The following OTOF variants were observed in gnomAD, a reference collection of about 807,000 sequenced individuals.
The protein encoded by OTOF is fer-1-like family member 2.
In OTOF, 218 loss-of-function variants were observed where a neutral mutation model predicts 236.8. The observed-to-expected ratio is 0.92, with a 90% CI of 0.82 to 1.03. OTOF has a LOEUF of 1.03. Ranked by LOEUF, OTOF falls within the 50% of genes least tolerant of loss-of-function variation. The pLI is 0.00. For missense variants in OTOF, 2,590 were observed against 2,694.4 expected (o/e 0.96, Z 0.86); for synonymous variants, 1,041 against 1,072.5 (o/e 0.97, Z 0.57).
At chr2:26,468,377 A>G (rs781017625) in intron 33 of OTOF, 31 bp downstream of exon 33, 1 of 1,571,278 alleles carries the variant, frequency 6.4e-7, no homozygotes, top group Non-Finnish European at 8.8e-7. Context: ...GGCGGGGAGG[A>G]GGAGGCAGAG....
In OTOF at chr2:26,461,229, G is replaced by A. The variant is rs1027016842; in HGVS notation, c.5534-199C>T. ...CTTGCTAGGCAGCCCCAGCCCCCATGCTTTACTCAGGTCCTTCTTTCACCC... is the reference window on the plus strand; with the variant it reads ...CTTGCTAGGCAGCCCCAGCCCCCATACTTTACTCAGGTCCTTCTTTCACCC... On this transcript the variant is annotated intron_variant, in intron 43 of 46. Coordinates refer to ENST00000272371, the MANE Select transcript of OTOF (RefSeq NM_194248.3). This position sits in a 1 kb window ranked among gnomAD's most constrained non-coding sequence, Gnocchi z 6.2. 6.6e-6 allele frequency among the ~76,000 whole-genome samples: 1 copy of A among 152,142 alleles called. No individual in the cohort carries two copies. Among genetic ancestry groups the A allele is most frequent in the Non-Finnish European group, 1.5e-5 (1 of 68,012 alleles).
intron 4 of OTOF, among the ~76,000 whole-genome samples, chr2:26,518,116 C>T (rs1489945495): frequency 1.3e-5 from 2 of 152,224 alleles, no homozygotes; most frequent in Non-Finnish European, 2.9e-5. Context: ...GCTTCTGAGG[C>T]TGTTTCTCTT....
intron 36 of OTOF, chr2:26,466,440 G>C: frequency 1.9e-6 from 1 of 515,968 alleles, no homozygotes; most frequent in Non-Finnish European, 3.5e-6. Flanking sequence ...AGGTTCAAGC[G>C]ATTTTCCTGC....
At chr2:26,523,464 G>C (rs758137220) in intron 3 of OTOF, among the ~76,000 whole-genome samples, 1 of 152,126 alleles carries the variant, frequency 6.6e-6, no homozygotes, top group African/African-American at 2.4e-5. Context: ...GCAGTGATGG[G>C]ATCAGGCTCA....
chr2:26,537,478 C>T (rs994175143), intron 2 of OTOF, among the ~76,000 whole-genome samples: 10 of 152,210 alleles, frequency 6.6e-5, no homozygotes, highest in African/African-American at 2.4e-4. Flanking sequence ...GGCTGCTGTT[C>T]CCCGTGTCAT....
chr2:26,493,656 CAAT>C (rs1398020564), intron 9 of OTOF, among the ~76,000 whole-genome samples: 6 of 152,076 alleles, frequency 3.9e-5, no homozygotes, highest in African/African-American at 1.4e-4. Flanking sequence ...TAGAAGGACA[CAAT>C]AAGCGAACAG....
At chr2:26,533,031 G>A (rs1207544568) in intron 2 of OTOF, among the ~76,000 whole-genome samples, 1 of 152,208 alleles carries the variant, frequency 6.6e-6, no homozygotes, top group Non-Finnish European at 1.5e-5. Flanking sequence ...GTTAGGAGCA[G>A]AGCCACACAG....
Position 26,488,284 on chromosome 2 carries a change from G to T in OTOF, c.1045+927C>A, listed in dbSNP as rs568598257. On this transcript the variant is annotated intron_variant, in intron 11 of 46. Coordinates refer to ENST00000272371, the MANE Select transcript of OTOF (RefSeq NM_194248.3). ...TGCTGCCTACATTACTGTTTTGTGA[G>T]GGCCCAATGTGACAATTGGGTGAAA... Among the ~76,000 whole-genome samples, 4 of 152,322 alleles carry T rather than the reference G, an allele frequency of 2.6e-5. No individual in the cohort carries two copies. In the East Asian group the frequency reaches 7.7e-4, roughly 29 times the overall value.
At position 26,495,085 on chromosome 2, in the gene OTOF, A is replaced by AGGCCT. The variant is rs753570417; in HGVS notation, c.766-13_766-12insAGGCC. The AGGCCT allele has an allele frequency of 6.2e-7, 1 of 1,613,948 alleles. No individual in the cohort carries two copies. The highest frequency in any genetic ancestry group is 8.5e-7 in the Non-Finnish European group (1 of 1,179,968). On this transcript the variant is annotated splice_polypyrimidine_tract_variant and intron_variant, in intron 8 of 46. Coordinates refer to ENST00000272371, the MANE Select transcript of OTOF (RefSeq NM_194248.3). ...ACCGTGATGCTGACCTGCAGGCAGG[A>AGGCCT]GAAGGGGGAGCCAGAAGGAAAGCTG... is the stretch of plus-strand genomic sequence containing the variant.
chr2:26,530,037 G>A (rs1666905956), intron 2 of OTOF, among the ~76,000 whole-genome samples: 1 of 141,312 alleles, frequency 7.1e-6, no homozygotes, highest in Admixed American at 7.4e-5. Flanking sequence ...GGAAGGCCCA[G>A]CTCATCAGCC....
chr2:26,527,636 G>C (rs1176009249), intron 3 of OTOF, among the ~76,000 whole-genome samples, 196 bp downstream of exon 3: 1 of 152,168 alleles, frequency 6.6e-6, no homozygotes, highest in Non-Finnish European at 1.5e-5. Flanking sequence ...AGAACTGGGG[G>C]ATTCTGAAGA....
intron 5 of OTOF, among the ~76,000 whole-genome samples, chr2:26,504,810 ACTCT>A (rs1666207019): frequency 6.6e-6 from 1 of 151,324 alleles, no homozygotes; most frequent in Admixed American, 6.6e-5. Flanking sequence ...TGGATACCTG[ACTCT>A]CTCCACTTCC....
rs1412454980 is a variant in OTOF at position 26,470,604 on chromosome 2, T to G, written c.4012A>C (p.Thr1338Pro). The G allele has an allele frequency of 6.2e-7, 1 of 1,613,930 alleles. No individual in the cohort carries two copies. The highest frequency in any genetic ancestry group is 8.5e-7 in the Non-Finnish European group (1 of 1,180,006). Residue 1338 changes from threonine to proline, a missense_variant, in exon 32 of 47, where the codon ACC (threonine) becomes CCC (proline). Thr to Pro is a conservative substitution (Grantham distance 38, BLOSUM62 -1). Coordinates refer to ENST00000272371, the MANE Select transcript of OTOF (RefSeq NM_194248.3). The surrounding 1 kb of genome is among the most constrained non-coding windows in gnomAD (Gnocchi z 4.3). ...WWSKYFASID[T>P]MKEQLRQQEP... Reference sequence around the variant, plus strand: ...ACCCGAGGTCTCACCTCCTTCATGGTGTCAATGGAGGCAAAGTACTTGGAC... The same window carrying G: ...ACCCGAGGTCTCACCTCCTTCATGGGGTCAATGGAGGCAAAGTACTTGGAC...
At chr2:26,512,110 T>G (rs553463093) in intron 5 of OTOF, among the ~76,000 whole-genome samples, 5 of 151,974 alleles carry the variant, frequency 3.3e-5, no homozygotes, top group Admixed American at 1.3e-4. Context: ...TCCTCCCAGA[T>G]GAGACCCAGC....
intron 14 of OTOF, among the ~76,000 whole-genome samples, chr2:26,481,385 C>A (rs2148057480): frequency 6.6e-6 from 1 of 152,324 alleles, no homozygotes; most frequent in South Asian, 2.1e-4. Flanking sequence ...CCTGCCAGTG[C>A]AGACCCCTCC....
rs532270730 is a variant in OTOF, at chr2:26,489,690, G to A, written c.948C>T (p.Ile316=). 14 of 1,612,702 alleles carry A rather than the reference G, an allele frequency of 8.7e-6. No individual in the cohort carries two copies. Among genetic ancestry groups the A allele is most frequent in the Admixed American group, 1.7e-5 (1 of 60,006 alleles). The change falls in exon 10 of 47, where the codon ATC becomes ATT. Residue 316 remains isoleucine (I), a synonymous_variant. Transcript: ENST00000272371. The part of the protein sequence containing the change: ...HVSPDVMFDK[I]IKISVIHSKN... ...GCTCCCCACTCACCGAAATCTTGATGATCTTGTCAAACATGACATCCGGAG... is the reference window on the plus strand; with the variant it reads ...GCTCCCCACTCACCGAAATCTTGATAATCTTGTCAAACATGACATCCGGAG...
chr2:26,500,238 A>C (rs1666084280), intron 8 of OTOF, among the ~76,000 whole-genome samples: 1 of 152,340 alleles, frequency 6.6e-6, no homozygotes, highest in East Asian at 1.9e-4. Context: ...TCACTTTCTT[A>C]CCTATAAATG....
chr2:26,461,794 T>C lies in OTOF; in HGVS notation c.5435A>G (p.Glu1812Gly). The C allele has an allele frequency of 6.2e-7, 1 of 1,614,148 alleles. No homozygotes were observed. Among genetic ancestry groups the C allele is most frequent in the Non-Finnish European group, 8.5e-7 (1 of 1,180,026 alleles). The change falls in exon 43 of 47, where the codon GAG becomes GGG. Residue 1812 changes from glutamate to glycine, a missense_variant. Glu to Gly is a moderately conservative substitution (Grantham distance 98). This residue lies in a region of OTOF where 1,211 missense variants were observed against 1,352.8 expected (regional missense o/e 0.90). Transcript: ENST00000272371. This position sits in a 1 kb window ranked among gnomAD's most constrained non-coding sequence, Gnocchi z 6.2. ...AEEKIVISKKESMFSWDETEY... is the reference protein window; with the variant it reads ...AEEKIVISKKGSMFSWDETEY... ...GGTCTCGTCCCAGGAGAACATGGAC[T>C]CCTTCTTGGAGATGACGATCTTCTC...
chr2:26,494,796 T>C, intron 9 of OTOF, 146 bp downstream of exon 9: 1 of 873,094 alleles, frequency 1.1e-6, no homozygotes, highest in South Asian at 1.4e-5. Context: ...TTTGTCAGTG[T>C]CCTGGGGGTT....
Sources: allele counts gnomAD v4.1 joint callset (sites outside exome capture counted in the v4.1 genomes callset), GRCh38; gene constraint gnomAD v4.1.1; regional missense constraint gnomAD v4.1.1; non-coding constraint Gnocchi (gnomAD v3.1); transcripts MANE v1.5; gene names NCBI Gene and HGNC (gene_info 2026-07-23, HGNC 2026-07-21).